The following GRID2 variants were observed in gnomAD, a reference collection of about 807,000 sequenced individuals.
GRID2 encodes the protein glutamate ionotropic receptor delta type subunit 2.
Under a neutral mutation model 114.8 loss-of-function variants are expected in GRID2, and 33 were observed. That is an observed-to-expected ratio of 0.29 (90% CI 0.22 to 0.38). The LOEUF (loss-of-function observed/expected upper bound fraction) is 0.38, where lower values mean the gene tolerates loss of function less well. Among genes scored for constraint, GRID2 ranks in the 10% least tolerant of loss-of-function variants. The pLI is 1.00. For missense variants in GRID2, 1,184 were observed against 1,257.7 expected (o/e 0.94, Z 0.89); for synonymous variants, 505 against 449.9 (o/e 1.12, Z -1.55).
At chr4:93,194,987 C>T (rs1325969635) in intron 4 of GRID2, among the ~76,000 whole-genome samples, 1 of 152,072 alleles carries the variant, frequency 6.6e-6, no homozygotes, top group African/African-American at 2.4e-5. Flanking sequence ...ATGAGAGTGG[C>T]TTAAGGGTAT....
intron 1 of GRID2, among the ~76,000 whole-genome samples, chr4:92,551,038 AG>A (rs1280500947): frequency 6.6e-6 from 1 of 152,168 alleles, no homozygotes; most frequent in East Asian, 1.9e-4. Flanking sequence ...GATCACTAAA[AG>A]TAAGGTCTCA....
At chr4:92,831,110 A>G (rs1057330798) in intron 2 of GRID2, among the ~76,000 whole-genome samples, 4 of 152,188 alleles carry the variant, frequency 2.6e-5, no homozygotes, top group African/African-American at 9.6e-5. Flanking sequence ...TTGTTACTAT[A>G]TAAGAAGATT....
At chr4:93,375,010 T>G (rs940261223) in intron 8 of GRID2, among the ~76,000 whole-genome samples, 3 of 152,092 alleles carry the variant, frequency 2.0e-5, no homozygotes, top group African/African-American at 7.2e-5. Flanking sequence ...ATGCTTTGGG[T>G]AACAACATTA....
At chr4:93,259,424 G>C (rs954384871) in intron 8 of GRID2, among the ~76,000 whole-genome samples, 6 of 151,756 alleles carry the variant, frequency 4.0e-5, no homozygotes, top group African/African-American at 1.4e-4. Context: ...AGTCTCGACT[G>C]TGTTCATTAC....
At chr4:93,312,183 A>C (rs986075089) in intron 8 of GRID2, among the ~76,000 whole-genome samples, 1 of 152,200 alleles carries the variant, frequency 6.6e-6, no homozygotes, top group Non-Finnish European at 1.5e-5. Context: ...CCATGGCCCT[A>C]AGGAACTTAC....
intron 9 of GRID2, among the ~76,000 whole-genome samples, chr4:93,421,813 G>A (rs1254881884): frequency 6.6e-6 from 1 of 150,966 alleles, no homozygotes; most frequent in Non-Finnish European, 1.5e-5. Context: ...GCATTATGAA[G>A]GCTATTTTGT....
chr4:92,581,932 T>C (rs1468006151), intron 1 of GRID2, among the ~76,000 whole-genome samples: 1 of 152,066 alleles, frequency 6.6e-6, no homozygotes, highest in East Asian at 1.9e-4. Context: ...ATACCCTCTG[T>C]GATCTTGACA....
intron 5 of GRID2, among the ~76,000 whole-genome samples, chr4:93,208,960 C>T (rs925569601): frequency 2.0e-5 from 3 of 151,900 alleles, no homozygotes; most frequent in African/African-American, 7.2e-5. Context: ...ATTTTCATTT[C>T]AATTTTTCTC....
rs149772098 is a variant in GRID2, at chr4:92,581,297, C to G, written c.89-8834C>G. Among the ~76,000 whole-genome samples the G allele has an allele frequency of 5.3e-3, 792 of 149,420 alleles. 5 individuals carry two copies. Among genetic ancestry groups the G allele is most frequent in the African/African-American group, 0.019 (752 of 40,640 alleles). On this transcript the variant is annotated intron_variant, in intron 1 of 15. Coordinates refer to ENST00000282020, the MANE Select transcript of GRID2 (RefSeq NM_001510.4). Reference sequence around the variant, plus strand: ...ATCTTTGAAATGTTTATTCACTAAACTAGTATAAAATGCATAAACTATTCT... The same window carrying G: ...ATCTTTGAAATGTTTATTCACTAAAGTAGTATAAAATGCATAAACTATTCT...
rs550174340 is a variant in GRID2 at position 93,084,311 on chromosome 4, G to A, written c.245-684G>A. 3.0e-3 allele frequency among the ~76,000 whole-genome samples: 451 copies of A among 152,140 alleles called. 1 individual carries two copies. Among genetic ancestry groups the A allele is most frequent in the Non-Finnish European group, 5.1e-3 (345 of 67,990 alleles). On this transcript the variant is annotated intron_variant, in intron 2 of 15. Transcript: ENST00000282020. ...AAAATAGATTGTAACCATATAATAG[G>A]AATTATAAATTGTTGATCTAGGAAC...
chr4:93,142,142 G>T (rs1735824680), intron 4 of GRID2, among the ~76,000 whole-genome samples: 1 of 152,160 alleles, frequency 6.6e-6, no homozygotes. Flanking sequence ...TGAGCTTGGA[G>T]GTGGAGATTG....
At chr4:93,199,907 A>C (rs1741890112) in intron 4 of GRID2, among the ~76,000 whole-genome samples, 1 of 152,228 alleles carries the variant, frequency 6.6e-6, no homozygotes, top group Non-Finnish European at 1.5e-5. Context: ...CAAGTGAAGA[A>C]AACAAAACTC....
intron 8 of GRID2, among the ~76,000 whole-genome samples, chr4:93,384,089 C>T (rs1024422161): frequency 6.6e-5 from 10 of 152,118 alleles, no homozygotes; most frequent in African/African-American, 2.4e-4. Context: ...CTCTCTGCTT[C>T]GTAGACGGCA....
chr4:93,506,875 G>A (rs1316924074), intron 12 of GRID2, among the ~76,000 whole-genome samples: 2 of 152,142 alleles, frequency 1.3e-5, no homozygotes, highest in African/African-American at 4.8e-5. Context: ...AAGAGACTCT[G>A]GCACCATAAC....
intron 9 of GRID2, among the ~76,000 whole-genome samples, chr4:93,420,761 T>C (rs1768187234): frequency 6.6e-6 from 1 of 150,868 alleles, no homozygotes. Flanking sequence ...TTTATTTATT[T>C]ATTTATGTTT....
chr4:93,271,456 C>T (rs1561069877), intron 8 of GRID2, among the ~76,000 whole-genome samples: 2 of 152,042 alleles, frequency 1.3e-5, no homozygotes, highest in African/African-American at 4.8e-5. Context: ...GCTGAGGGAG[C>T]AGAAATCATA....
intron 14 of GRID2, among the ~76,000 whole-genome samples, chr4:93,644,972 A>G (rs2149713232): frequency 6.6e-6 from 1 of 152,294 alleles, no homozygotes; most frequent in East Asian, 1.9e-4. Context: ...CCAAGAAGGC[A>G]GAGATTTGTG....
intron 2 of GRID2, among the ~76,000 whole-genome samples, chr4:92,670,368 T>C (rs1170138623): frequency 6.6e-6 from 1 of 152,050 alleles, no homozygotes; most frequent in Non-Finnish European, 1.5e-5. Context: ...TTGCAGTGGC[T>C]TTGGGAACTT....
chr4:92,611,129 T>C (rs1057292259), intron 2 of GRID2, among the ~76,000 whole-genome samples: 12 of 139,398 alleles, frequency 8.6e-5, no homozygotes, highest in African/African-American at 2.8e-4. Context: ...TGTGTGTGTG[T>C]GCATGTGTGT....
Sources: allele counts gnomAD v4.1 joint callset (sites outside exome capture counted in the v4.1 genomes callset), GRCh38; gene constraint gnomAD v4.1.1; transcripts MANE v1.5; gene names NCBI Gene and HGNC (gene_info 2026-07-23, HGNC 2026-07-21).